The following ANKFN1 variants were observed in gnomAD, a reference collection of about 807,000 sequenced individuals.
The protein encoded by ANKFN1 is ankyrin repeat and fibronectin type-III domain-containing protein 1.
In ANKFN1, 74 loss-of-function variants were observed where a neutral mutation model predicts 108.7. That is an observed-to-expected ratio of 0.68 (90% confidence interval 0.56 to 0.83). ANKFN1 has a LOEUF of 0.83. Among genes scored for constraint, ANKFN1 ranks in the 40% least tolerant of loss-of-function variants. The pLI, the probability that ANKFN1 is intolerant of heterozygous loss-of-function variation, is 0.00. For missense variants in ANKFN1, 1,505 were observed against 1,382.3 expected, an observed-to-expected ratio of 1.09 and a Z score of -1.41; for synonymous variants, 547 against 516.2, an observed-to-expected ratio of 1.06 and a Z score of -0.81.
chr17:56,467,083 T>C (rs2050099594), intron 15 of ANKFN1, among the ~76,000 whole-genome samples: 1 of 152,048 alleles, frequency 6.6e-6, no homozygotes, highest in Admixed American at 6.5e-5. Context: ...GCGACTGCCC[T>C]CCAGCCTGGA....
intron 1 of ANKFN1, among the ~76,000 whole-genome samples, chr17:56,201,399 T>A (rs1914047816): frequency 3.3e-5 from 5 of 152,230 alleles, no homozygotes; most frequent in Admixed American, 3.3e-4. Context: ...TACACTGTCA[T>A]AGTGGCCCAT....
intron 8 of ANKFN1, among the ~76,000 whole-genome samples, chr17:56,376,268 A>G (rs947724847): frequency 6.6e-6 from 1 of 152,210 alleles, no homozygotes; most frequent in African/African-American, 2.4e-5. Flanking sequence ...AGAATTTTCC[A>G]GATAACGCCA....
At chr17:56,256,194 A>G (rs986194512) in intron 3 of ANKFN1, among the ~76,000 whole-genome samples, 1 of 152,218 alleles carries the variant, frequency 6.6e-6, no homozygotes, top group African/African-American at 2.4e-5. Flanking sequence ...AGGAAAGATT[A>G]ATGAAAACAT....
At chr17:56,159,964 G>A (rs1228755929) in intron 1 of ANKFN1, among the ~76,000 whole-genome samples, 4 of 151,516 alleles carry the variant, frequency 2.6e-5, no homozygotes, top group Middle Eastern at 6.8e-3. Flanking sequence ...GGGCAGGAGG[G>A]CAGGGCAGAG....
intron 1 of ANKFN1, among the ~76,000 whole-genome samples, chr17:56,181,564 G>C (rs529487402): frequency 7.9e-5 from 12 of 152,102 alleles, no homozygotes; most frequent in African/African-American, 2.7e-4. Flanking sequence ...GCTGGCTTTC[G>C]AGGATGAATT....
chr17:56,486,949 C>G (rs2050875366), intron 18 of ANKFN1, among the ~76,000 whole-genome samples: 1 of 152,204 alleles, frequency 6.6e-6, no homozygotes, highest in Non-Finnish European at 1.5e-5. Context: ...TCATAAATAA[C>G]TTGCTAACCA....
Position 56,353,990 on chromosome 17 carries a change from A to G in ANKFN1, c.545A>G (p.Asn182Ser). 2 of 1,613,964 alleles carry G rather than the reference A, an allele frequency of 1.2e-6. No individual in the cohort carries two copies. Among genetic ancestry groups the G allele is most frequent in the Non-Finnish European group, 1.7e-6 (2 of 1,179,964 alleles). Residue 182 changes from asparagine (N) to serine (S), a missense_variant, in exon 6 of 21, where the codon AAC (asparagine) becomes AGC (serine). Coordinates refer to ENST00000682825, the MANE Select transcript of ANKFN1 (RefSeq NM_001370326.1). ...CCCCTGGATATTGCCATCATGACCA[A>G]CAATGTGCCCATTGCAAGGATTCTT... ...LTPLDIAIMT[N>S]NVPIARILLR...
chr17:56,192,967 G>C (rs979870253), intron 1 of ANKFN1, among the ~76,000 whole-genome samples: 1 of 142,424 alleles, frequency 7.0e-6, no homozygotes, highest in Non-Finnish European at 1.5e-5. Context: ...GTTTATTGTG[G>C]CATTATTCAC....
intron 4 of ANKFN1, among the ~76,000 whole-genome samples, chr17:56,085,344 G>T (rs1362993714): frequency 2.0e-5 from 3 of 150,690 alleles, no homozygotes; most frequent in African/African-American, 7.3e-5. Context: ...TCTTGTCAGA[G>T]ACACGCAGAG....
At chr17:56,170,807 T>TATATATACACAC (rs1361307404) in intron 1 of ANKFN1, among the ~76,000 whole-genome samples, 68 of 61,444 alleles carry the variant, frequency 1.1e-3, no homozygotes, top group East Asian at 3.9e-3. Flanking sequence ...TATATATATA[T>TATATATACACAC]ACACACACAC....
At chr17:56,118,379 C>T (rs933243845) in intron 4 of ANKFN1, among the ~76,000 whole-genome samples, 1 of 152,156 alleles carries the variant, frequency 6.6e-6, no homozygotes, top group African/African-American at 2.4e-5. Flanking sequence ...TGTTTTTCCA[C>T]ATAGTCTTTT....
At chr17:56,425,059 C>T (rs1214252861) in intron 8 of ANKFN1, among the ~76,000 whole-genome samples, 1 of 150,810 alleles carries the variant, frequency 6.6e-6, no homozygotes, top group Admixed American at 6.6e-5. Context: ...GAGAGCATGG[C>T]TTTTGATATG....
chr17:56,446,511 C>CTATCT (rs2049293890), intron 10 of ANKFN1, among the ~76,000 whole-genome samples: 1 of 152,170 alleles, frequency 6.6e-6, no homozygotes, highest in South Asian at 2.1e-4. Context: ...AAATCCTTTC[C>CTATCT]TATCTTATCC....
At chr17:56,078,931 A>G (rs761787951) in intron 4 of ANKFN1, among the ~76,000 whole-genome samples, 21 of 152,226 alleles carry the variant, frequency 1.4e-4, no homozygotes, top group Admixed American at 2.6e-4. Flanking sequence ...AACAGCTCTC[A>G]CTTTAGAGAC....
chr17:56,242,052 T>C (rs932469152), intron 3 of ANKFN1, among the ~76,000 whole-genome samples: 2 of 150,476 alleles, frequency 1.3e-5, no homozygotes, highest in Non-Finnish European at 3.0e-5. Context: ...CACTTAATAC[T>C]CTTGGTATAC....
At chr17:56,315,290 T>C (rs1370481488) in intron 3 of ANKFN1, among the ~76,000 whole-genome samples, 1 of 152,216 alleles carries the variant, frequency 6.6e-6, no homozygotes, top group Non-Finnish European at 1.5e-5. Flanking sequence ...AAGTTGCAAA[T>C]GTCACAGAAA....
intron 1 of ANKFN1, among the ~76,000 whole-genome samples, chr17:56,165,666 A>G (rs904043922): frequency 6.6e-6 from 1 of 151,916 alleles, no homozygotes; most frequent in Non-Finnish European, 1.5e-5. Context: ...TAGTTTTCAT[A>G]TGGGTGTTTG....
chr17:56,158,467 A>G (rs1189825684), intron 1 of ANKFN1, among the ~76,000 whole-genome samples: 1 of 152,234 alleles, frequency 6.6e-6, no homozygotes, highest in Non-Finnish European at 1.5e-5. Flanking sequence ...TGTAAGAAAA[A>G]GTCAGCAAAT....
intron 2 of ANKFN1, among the ~76,000 whole-genome samples, chr17:56,227,427 A>G (rs980374559): frequency 6.6e-6 from 1 of 152,198 alleles, no homozygotes; most frequent in Non-Finnish European, 1.5e-5. Flanking sequence ...TTGGAAAAGA[A>G]AACTGTCCAT....
Sources: allele counts gnomAD v4.1 joint callset (sites outside exome capture counted in the v4.1 genomes callset), GRCh38; gene constraint gnomAD v4.1.1; transcripts MANE v1.5; gene names NCBI Gene and HGNC (gene_info 2026-07-23, HGNC 2026-07-21).